Variants in ANKS1B observed in about 807,000 individuals in gnomAD.
ANKS1B encodes the protein ankyrin repeat and sterile alpha motif domain containing 1B.
In ANKS1B, 36 loss-of-function variants were observed where a neutral mutation model predicts 148.3. The ratio of observed to expected loss-of-function variants is 0.24; its 90% CI spans 0.19 to 0.32. The LOEUF (loss-of-function observed/expected upper bound fraction) is 0.32. Among genes scored for constraint, ANKS1B ranks in the 10% least tolerant of loss-of-function variants. The probability of loss-of-function intolerance (pLI) is 1.00; values close to 1 mark genes in which losing one functional copy is unlikely to be tolerated. For missense variants in ANKS1B, 1,157 were observed against 1,542.6 expected, an observed-to-expected ratio of 0.75 and a Z score of 4.19; for synonymous variants, 542 against 560.8, an observed-to-expected ratio of 0.97 and a Z score of 0.47.
chr12:99,572,111 G>A (rs184936126), intron 9 of ANKS1B, among the ~76,000 whole-genome samples: 5 of 152,028 alleles, frequency 3.3e-5, no homozygotes, highest in East Asian at 1.9e-4. Context: ...CTATGACCCT[G>A]GGCACTTCAC....
chr12:99,487,779 G>T (rs1168571106), intron 10 of ANKS1B, among the ~76,000 whole-genome samples: 1 of 152,036 alleles, frequency 6.6e-6, no homozygotes, highest in Non-Finnish European at 1.5e-5. Flanking sequence ...ATGTGTGCTT[G>T]AAAAGAATAT....
At chr12:98,770,633 C>T (rs1291026298) in intron 25 of ANKS1B, among the ~76,000 whole-genome samples, 1 of 151,826 alleles carries the variant, frequency 6.6e-6, no homozygotes, top group Non-Finnish European at 1.5e-5. Context: ...TTTTTAAAGG[C>T]CCATGATCAT....
intron 9 of ANKS1B, among the ~76,000 whole-genome samples, chr12:99,590,094 C>T (rs1165491377): frequency 6.6e-6 from 1 of 151,776 alleles, no homozygotes; most frequent in East Asian, 1.9e-4. Context: ...AAATATAATG[C>T]TGAAAAAAGT....
At chr12:99,232,979 A>G (rs2087133722) in intron 14 of ANKS1B, among the ~76,000 whole-genome samples, 1 of 152,132 alleles carries the variant, frequency 6.6e-6, no homozygotes, top group Non-Finnish European at 1.5e-5. Flanking sequence ...TTGAACACCT[A>G]CATGACACCA....
chr12:99,010,959 T>A (rs547815428), intron 17 of ANKS1B, among the ~76,000 whole-genome samples: 33 of 150,130 alleles, frequency 2.2e-4, no homozygotes, highest in Non-Finnish European at 4.4e-5. Context: ...CCCAGGCTGG[T>A]CTTGAAGTCC....
chr12:99,308,895 A>G (rs1434072844), intron 12 of ANKS1B, among the ~76,000 whole-genome samples: 1 of 149,234 alleles, frequency 6.7e-6, no homozygotes. Flanking sequence ...TATTTGTATA[A>G]TATATATAGT....
intron 1 of ANKS1B, among the ~76,000 whole-genome samples, chr12:99,980,791 A>G (rs2095690053): frequency 6.6e-6 from 1 of 152,078 alleles, no homozygotes; most frequent in African/African-American, 2.4e-5. Context: ...CAGATGAATT[A>G]GACTGCTTTA....
intron 1 of ANKS1B, among the ~76,000 whole-genome samples, chr12:99,941,439 A>C (rs1056306030): frequency 6.8e-6 from 1 of 147,902 alleles, no homozygotes; most frequent in African/African-American, 2.5e-5. Flanking sequence ...CCTGAAGTAG[A>C]ATAAAGGCAG....
intron 17 of ANKS1B, among the ~76,000 whole-genome samples, chr12:98,904,308 G>A (rs1596587560): frequency 6.6e-6 from 1 of 152,068 alleles, no homozygotes; most frequent in Non-Finnish European, 1.5e-5. Flanking sequence ...AAAATAGACA[G>A]GTGTTGAAAA....
At chr12:99,664,241 T>G (rs970323726) in intron 8 of ANKS1B, among the ~76,000 whole-genome samples, 3 of 152,054 alleles carry the variant, frequency 2.0e-5, no homozygotes, top group Non-Finnish European at 4.4e-5. Context: ...TCATTTTATA[T>G]GAACAAATAA....
intron 19 of ANKS1B, among the ~76,000 whole-genome samples, chr12:98,816,601 A>T (rs1420136786): frequency 6.6e-6 from 1 of 152,172 alleles, no homozygotes; most frequent in Non-Finnish European, 1.5e-5. Context: ...CTTAAGCAGA[A>T]ATTTAAAATG....
chr12:99,902,300 A>G (rs893668489), intron 1 of ANKS1B, among the ~76,000 whole-genome samples: 2 of 152,180 alleles, frequency 1.3e-5, no homozygotes, highest in African/African-American at 4.8e-5. Context: ...CCAGAGGAAG[A>G]AAAGAGCTTG....
At chr12:99,601,627 G>A (rs937893175) in intron 9 of ANKS1B, among the ~76,000 whole-genome samples, 1 of 152,052 alleles carries the variant, frequency 6.6e-6, no homozygotes, top group Non-Finnish European at 1.5e-5. Flanking sequence ...TAAAAGACAA[G>A]ATAACAAGAG....
intron 12 of ANKS1B, among the ~76,000 whole-genome samples, chr12:99,257,081 A>G (rs997834092): frequency 4.6e-5 from 7 of 152,042 alleles, no homozygotes; most frequent in Admixed American, 3.9e-4. Context: ...GGTCTCTACT[A>G]AAAATACAAA....
intron 1 of ANKS1B, among the ~76,000 whole-genome samples, chr12:99,900,130 C>G (rs1346176891): frequency 6.6e-6 from 1 of 151,916 alleles, no homozygotes. Context: ...AACTCCTGAC[C>G]TCAGGTGATC....
intron 6 of ANKS1B, 68 bp from the exon 7 acceptor site, chr12:99,775,729 T>A (rs558971992): frequency 3.3e-6 from 3 of 915,520 alleles, no homozygotes; most frequent in Non-Finnish European, 4.8e-6. Context: ...AATTTTAAGT[T>A]TTACTTCTGG....
chr12:99,574,694 G>T (rs2097498635), intron 9 of ANKS1B, among the ~76,000 whole-genome samples: 1 of 151,742 alleles, frequency 6.6e-6, no homozygotes, highest in South Asian at 2.1e-4. Context: ...CATCTTCATA[G>T]ATGTGGAAAA....
chr12:99,833,886 C>T (rs925372622), intron 1 of ANKS1B, among the ~76,000 whole-genome samples: 7 of 152,010 alleles, frequency 4.6e-5, no homozygotes, highest in Non-Finnish European at 8.8e-5. Context: ...CATTGAATGT[C>T]GCCTTCTCCT....
At chr12:99,542,443 G>C (rs1006957822) in intron 9 of ANKS1B, among the ~76,000 whole-genome samples, 2 of 152,104 alleles carry the variant, frequency 1.3e-5, no homozygotes, top group Non-Finnish European at 1.5e-5. Context: ...GCATGGTCAT[G>C]GGTTAGAAGA....
Sources: allele counts gnomAD v4.1 joint callset (sites outside exome capture counted in the v4.1 genomes callset), GRCh38; gene constraint gnomAD v4.1.1; transcripts MANE v1.5; gene names NCBI Gene and HGNC (gene_info 2026-07-23, HGNC 2026-07-21).